Variants in IPPK observed in about 807,000 individuals in gnomAD.
IPPK encodes the protein inositol-pentakisphosphate 2-kinase, also known as IPK1 homolog.
IPPK carries 22 observed loss-of-function variants against 64.6 expected under a neutral mutation model. The ratio of observed to expected loss-of-function variants is 0.34; its 90% CI spans 0.24 to 0.49. The LOEUF (loss-of-function observed/expected upper bound fraction) is 0.49. Among genes scored for constraint, IPPK ranks in the 20% least tolerant of loss-of-function variants. The pLI, the probability that IPPK is intolerant of heterozygous loss-of-function variation, is 0.99. For synonymous variants in IPPK, 262 were observed against 247.2 expected (o/e 1.06, Z -0.56); for missense variants, 532 against 630.7 (o/e 0.84, Z 1.68).
At position 92,659,447 on chromosome 9, in the gene IPPK, C is replaced by T. The variant is rs548599188; in HGVS notation, c.82-766G>A. ...GAAAGGACATTCGGCACAAGTTTAA[C>T]ATCTCCAAGTAGCAATGATTACAAT... On this transcript the variant is annotated intron_variant, in intron 1 of 12. Coordinates refer to ENST00000287996, the MANE Select transcript of IPPK (RefSeq NM_022755.6). Among the ~76,000 whole-genome samples, 241 of 152,368 alleles carry T rather than the reference C, an allele frequency of 1.6e-3. 1 individual carries two copies. The highest frequency in any genetic ancestry group is 2.7e-3 in the Non-Finnish European group (184 of 68,034).
intron 3 of IPPK, among the ~76,000 whole-genome samples, chr9:92,654,711 T>C (rs1372604413): frequency 3.3e-5 from 5 of 151,994 alleles, no homozygotes; most frequent in Admixed American, 2.0e-4. Context: ...CCCACAGAGC[T>C]CCCTGTAACC....
Position 92,615,077 on chromosome 9 carries a change from C to CCAA in IPPK, c.*752_*754dup, listed in dbSNP as rs1290006036. On this transcript the variant is annotated 3_prime_UTR_variant, in exon 13 of 13. Transcript: ENST00000287996. Reference sequence around the variant, plus strand: ...AGCTCAGCCAGTCACAGCTCCACCTCCAACTTCTACAGCAGCAATTTTTAG... The same window carrying CCAA: ...AGCTCAGCCAGTCACAGCTCCACCTCCAACAACTTCTACAGCAGCAATTTTTAG... 6.6e-6 allele frequency: 1 copy of CCAA among 152,308 alleles called. No individual in the cohort carries two copies. The highest frequency in any genetic ancestry group is 2.4e-5 in the African/African-American group (1 of 41,446). 9.4% of individuals were successfully genotyped at this position (152,308 alleles called of 1,614,324 possible). A position where few individuals can be genotyped will look rare whatever the true frequency, so the allele number is the denominator to read the frequency against.
chr9:92,634,792 T>C (rs1485158632), intron 10 of IPPK, among the ~76,000 whole-genome samples: 1 of 151,916 alleles, frequency 6.6e-6, no homozygotes, highest in Non-Finnish European at 1.5e-5. Flanking sequence ...ACACCGCGGG[T>C]GTGGACCCCA....
At chr9:92,666,553 C>T (rs554391100) in intron 1 of IPPK, among the ~76,000 whole-genome samples, 32 of 152,314 alleles carry the variant, frequency 2.1e-4, no homozygotes, top group African/African-American at 7.5e-4. Flanking sequence ...GAGCTCCAGA[C>T]ACACACCAGG....
At chr9:92,658,490 A>G (rs1236322920) in intron 2 of IPPK, 144 bp downstream of exon 2, 1 of 733,302 alleles carries the variant, frequency 1.4e-6, no homozygotes. Flanking sequence ...TATATCAGGA[A>G]TGATGGACAC....
intron 11 of IPPK, among the ~76,000 whole-genome samples, chr9:92,633,977 T>C (rs117407602): frequency 0.036 from 5,503 of 152,278 alleles, 141 homozygotes; most frequent in Middle Eastern, 0.075. Context: ...TGGCCTCGGT[T>C]CTAAGGGAAG....
chr9:92,638,408 T>TG, intron 8 of IPPK, 128 bp from the exon 9 acceptor site: 1 of 1,038,470 alleles, frequency 9.6e-7, no homozygotes, highest in South Asian at 1.6e-5. Context: ...CCACCCAATC[T>TG]GGGGCCGCTG....
chr9:92,652,570 T>C lies in IPPK; in HGVS notation c.292+3A>G, dbSNP rs1852289617. On this transcript the variant is annotated splice_donor_region_variant and intron_variant, in intron 4 of 12. Transcript: ENST00000287996. ...ACAATATCTGTAAGTTAAACACCCT[T>C]ACCTGGTCTTTCAGATTGTATCTTT... is the stretch of plus-strand genomic sequence containing the variant. 1 of 1,525,496 alleles carries C rather than the reference T, an allele frequency of 6.6e-7. No homozygotes were observed. Among genetic ancestry groups the C allele is most frequent in the South Asian group, 1.2e-5 (1 of 83,644 alleles). 94.5% of individuals were successfully genotyped at this position (1,525,496 alleles called of 1,614,324 possible). A position where few individuals can be genotyped will look rare whatever the true frequency, so the allele number is the denominator to read the frequency against.
At chr9:92,631,256 T>C (rs984613210) in intron 11 of IPPK, among the ~76,000 whole-genome samples, 5 of 148,530 alleles carry the variant, frequency 3.4e-5, no homozygotes, top group Admixed American at 2.1e-4. Flanking sequence ...AGTGCAGTGG[T>C]GCAATCTTGG....
intron 12 of IPPK, chr9:92,618,922 C>G (rs1851533721): frequency 6.6e-6 from 2 of 304,916 alleles, no homozygotes; most frequent in Non-Finnish European, 1.3e-5. Flanking sequence ...GAGATGCTGT[C>G]TAACGACTAT....
intron 9 of IPPK, among the ~76,000 whole-genome samples, chr9:92,636,328 G>A (rs776396577): frequency 2.2e-4 from 34 of 152,326 alleles, no homozygotes; most frequent in South Asian, 8.3e-4. Flanking sequence ...TCCATGCATG[G>A]TCAATAAAGA....
chr9:92,666,232 G>A (rs2131467034), intron 1 of IPPK, among the ~76,000 whole-genome samples: 1 of 152,176 alleles, frequency 6.6e-6, no homozygotes, highest in South Asian at 2.1e-4. Flanking sequence ...TCCGGAAGGG[G>A]CTCAGTGCCC....
At chr9:92,616,154 TTA>T (rs1008394753) in intron 12 of IPPK, 97 bp from the exon 13 acceptor site, 23 of 838,576 alleles carry the variant, frequency 2.7e-5, no homozygotes, top group Admixed American at 5.6e-5. Context: ...TAGTATGTTT[TTA>T]TGTTTTTTCT....
At chr9:92,643,462 T>C (rs1852090377) in intron 6 of IPPK, among the ~76,000 whole-genome samples, 1 of 152,100 alleles carries the variant, frequency 6.6e-6, no homozygotes, top group Non-Finnish European at 1.5e-5. Flanking sequence ...AAACAATTTA[T>C]TGAATGAAGA....
intron 9 of IPPK, among the ~76,000 whole-genome samples, chr9:92,636,916 TG>T (rs1851952925): frequency 6.6e-6 from 1 of 152,148 alleles, no homozygotes; most frequent in Non-Finnish European, 1.5e-5. Context: ...CAGACACAGT[TG>T]GCTTCCTTAA....
intron 1 of IPPK, among the ~76,000 whole-genome samples, chr9:92,667,894 C>T (rs1852633216): frequency 6.6e-6 from 1 of 151,624 alleles, no homozygotes; most frequent in Admixed American, 6.6e-5. Flanking sequence ...CAGAGCAAGA[C>T]TCCGTCTCAA....
chr9:92,625,505 A>G (rs948668862), intron 11 of IPPK, among the ~76,000 whole-genome samples: 2 of 152,218 alleles, frequency 1.3e-5, no homozygotes, highest in African/African-American at 4.8e-5. Context: ...CACACTAAAG[A>G]GACAGGATTA....
intron 1 of IPPK, among the ~76,000 whole-genome samples, chr9:92,666,597 T>C (rs1417985263): frequency 1.4e-4 from 22 of 152,090 alleles, no homozygotes; most frequent in Admixed American, 1.4e-3. Context: ...CTCTCAAGCA[T>C]GCCACAGGGT....
chr9:92,647,073 G>T (rs1303617957), intron 6 of IPPK, among the ~76,000 whole-genome samples: 2 of 152,166 alleles, frequency 1.3e-5, no homozygotes, highest in Non-Finnish European at 2.9e-5. Context: ...ACACAATCCT[G>T]TGGCTAGACC....
Sources: allele counts gnomAD v4.1 joint callset (sites outside exome capture counted in the v4.1 genomes callset), GRCh38; gene constraint gnomAD v4.1.1; transcripts MANE v1.5; gene names NCBI Gene and HGNC (gene_info 2026-07-23, HGNC 2026-07-21).